Variants in ATAD2B observed in about 807,000 individuals in gnomAD.
ATAD2B encodes the protein ATPase family AAA domain-containing protein 2B.
Under a neutral mutation model 167.6 loss-of-function variants are expected in ATAD2B, and 40 were observed. The observed-to-expected ratio is 0.24, with a 90% CI of 0.19 to 0.31. ATAD2B has a LOEUF of 0.31. Ranked by LOEUF, ATAD2B falls within the 10% of genes least tolerant of loss-of-function variation. ATAD2B has a pLI of 1.00. For synonymous variants in ATAD2B, 579 were observed against 596.5 expected, an observed-to-expected ratio of 0.97 and a Z score of 0.43; for missense variants, 1,242 against 1,757.2, an observed-to-expected ratio of 0.71 and a Z score of 5.24.
the ATAD2B span, among the ~76,000 whole-genome samples, chr2:23,718,714 G>C: frequency 3.9e-5 from 6 of 152,142 alleles, no homozygotes; most frequent in Admixed American, 1.3e-4. Flanking sequence ...GTCTAAAATG[G>C]GTCTTAGGAG....
the ATAD2B span, among the ~76,000 whole-genome samples, chr2:23,679,455 T>G: frequency 1.3e-5 from 2 of 152,194 alleles, no homozygotes; most frequent in African/African-American, 4.8e-5. Context: ...GAGCAAAGCT[T>G]CTTAAGGCCG....
the ATAD2B span, among the ~76,000 whole-genome samples, chr2:23,679,381 C>A: frequency 6.6e-6 from 1 of 152,236 alleles, no homozygotes; most frequent in Non-Finnish European, 1.5e-5. Context: ...CATGCTCCAA[C>A]AGGCTAGCCC....
intron 22 of ATAD2B, among the ~76,000 whole-genome samples, chr2:23,780,267 TTGTGTGTGTGTGTGTGTGTG>T (rs67788174): frequency 2.1e-5 from 3 of 143,998 alleles, no homozygotes; most frequent in Admixed American, 1.4e-4. Context: ...AAGTATATAC[TTGTGTGTGTGTGTGTGTGTG>T]TGTGTGTGTG....
At chr2:23,864,453 G>A (rs1490558648) in intron 11 of ATAD2B, among the ~76,000 whole-genome samples, 1 of 152,040 alleles carries the variant, frequency 6.6e-6, no homozygotes, top group Non-Finnish European at 1.5e-5. Flanking sequence ...CCATCATCAA[G>A]TCAAAGAAAC....
chr2:23,913,589 G>A (rs373651734), intron 1 of ATAD2B, among the ~76,000 whole-genome samples: 31 of 149,310 alleles, frequency 2.1e-4, no homozygotes, highest in South Asian at 1.3e-3. Context: ...GCAGTGAGCC[G>A]AGATCATGCC....
chr2:23,895,750 C>A, intron 2 of ATAD2B, 69 bp downstream of exon 2: 2 of 1,152,418 alleles, frequency 1.7e-6, no homozygotes, highest in South Asian at 2.0e-5. Context: ...AGAAAATTAG[C>A]ATTAATATCA....
chr2:23,916,561 C>T (rs1366092935), intron 1 of ATAD2B, among the ~76,000 whole-genome samples: 1 of 152,134 alleles, frequency 6.6e-6, no homozygotes, highest in Admixed American at 6.5e-5. Context: ...CAGTCACTAA[C>T]CAGATAATAT....
chr2:23,820,151 CT>C (rs1687230175), intron 16 of ATAD2B, among the ~76,000 whole-genome samples: 1 of 151,418 alleles, frequency 6.6e-6, no homozygotes, highest in African/African-American at 2.4e-5. Flanking sequence ...AAAAACAAGT[CT>C]GGAAAAGATG....
At chr2:23,771,386 G>GA (rs1237796920) in intron 22 of ATAD2B, among the ~76,000 whole-genome samples, 1 of 152,228 alleles carries the variant, frequency 6.6e-6, no homozygotes, top group African/African-American at 2.4e-5. Flanking sequence ...ATCTTAAGGA[G>GA]AAAGTACTTA....
At chr2:23,711,342 CTTTTTTTTTTTTTTTT>C in the ATAD2B span, among the ~76,000 whole-genome samples, 314 of 79,694 alleles carry the variant, frequency 3.9e-3, 1 homozygote, top group Non-Finnish European at 4.3e-3. Context: ...GAATTTCTTT[CTTTTTTTTTTTTTTTT>C]TTTTTTTTTT....
intron 25 of ATAD2B, among the ~76,000 whole-genome samples, chr2:23,756,049 T>C (rs1238241572): frequency 6.6e-6 from 1 of 152,146 alleles, no homozygotes; most frequent in East Asian, 1.9e-4. Context: ...TTAAGCCTTT[T>C]TCAGCACGCT....
intron 6 of ATAD2B, chr2:23,883,666 G>C: frequency 1.7e-6 from 2 of 1,205,022 alleles, no homozygotes; most frequent in Non-Finnish European, 2.2e-6. Context: ...GCTCAATAAA[G>C]TACCTTCATT....
At chr2:23,741,758 GA>G in the ATAD2B span, among the ~76,000 whole-genome samples, 1 of 152,154 alleles carries the variant, frequency 6.6e-6, no homozygotes, top group Admixed American at 6.5e-5. Flanking sequence ...CCATCAGAGT[GA>G]ACAGGCAACC....
At chr2:23,703,097 A>C in the ATAD2B span, 1 of 936,300 alleles carries the variant, frequency 1.1e-6, no homozygotes, top group Non-Finnish European at 1.5e-6. Flanking sequence ...GAGGGCGAGG[A>C]GCAGATGGCA....
intron 11 of ATAD2B, among the ~76,000 whole-genome samples, chr2:23,864,559 G>T (rs1694877828): frequency 6.6e-6 from 1 of 152,098 alleles, no homozygotes; most frequent in Non-Finnish European, 1.5e-5. Context: ...TGGACAATCT[G>T]GTTGTGTATT....
intron 22 of ATAD2B, among the ~76,000 whole-genome samples, chr2:23,781,340 AT>A (rs1331741529): frequency 1.2e-3 from 154 of 123,610 alleles, no homozygotes; most frequent in African/African-American, 7.3e-3. Flanking sequence ...AAAAAAATAA[AT>A]AAATAAATAA....
intron 18 of ATAD2B, chr2:23,808,856 TA>T (rs1447641618): frequency 6.6e-6 from 1 of 152,190 alleles, no homozygotes; most frequent in Non-Finnish European, 1.5e-5. Context: ...TCTACAGTTT[TA>T]TTTTGTATTT....
chr2:23,877,366 C>T (rs1450229231), intron 7 of ATAD2B, among the ~76,000 whole-genome samples: 5 of 150,074 alleles, frequency 3.3e-5, no homozygotes, highest in East Asian at 2.0e-4. Context: ...TGGTGGCATG[C>T]GCCTGTAATC....
intron 18 of ATAD2B, among the ~76,000 whole-genome samples, chr2:23,807,450 G>A (rs775471757): frequency 8.6e-5 from 13 of 152,018 alleles, no homozygotes; most frequent in African/African-American, 2.2e-4. Flanking sequence ...AAAATTCTTC[G>A]CTTTTGGTTT....
Sources: gnomAD v4.1 joint callset for allele counts (sites outside exome capture counted in the v4.1 genomes callset) on GRCh38, gnomAD v4.1.1 for gene constraint, MANE v1.5 for transcripts, NCBI Gene and HGNC (gene_info 2026-07-23, HGNC 2026-07-21) for gene names.